TMA16: variants seen among roughly 807,000 people sequenced by gnomAD.
TMA16 encodes translation machinery associated 16 homolog, also known as translation machinery-associated protein 16.
TMA16 carries 26 observed loss-of-function variants against 27.1 expected under a neutral mutation model. The observed-to-expected ratio is 0.96, with a 90% CI of 0.70 to 1.33. TMA16 has a LOEUF of 1.33. TMA16 is among the 40% of genes most tolerant of loss of function. The probability of loss-of-function intolerance (pLI) is 0.00; values close to 1 mark genes in which losing one functional copy is unlikely to be tolerated. For missense variants in TMA16, 233 were observed against 241.4 expected (o/e 0.97, Z 0.23); for synonymous variants, 71 against 81.9 (o/e 0.87, Z 0.72).
At chr4:163,514,951 G>A (rs12500221) in intron 4 of TMA16, among the ~76,000 whole-genome samples, 98,197 of 151,468 alleles carry the variant, frequency 0.65, 32,478 homozygotes, top group African/African-American at 0.76. Flanking sequence ...CTGGACAACT[G>A]TTTCCTGAGA....
intron 2 of TMA16, among the ~76,000 whole-genome samples, chr4:163,512,092 C>T (rs1737807946): frequency 6.6e-6 from 1 of 151,948 alleles, no homozygotes; most frequent in Admixed American, 6.6e-5. Context: ...GAAAACCTTC[C>T]CAAATCCTAA....
In TMA16 at chr4:163,513,410, C is replaced by T. The variant is rs530858691; in HGVS notation, c.154+551C>T. 2.0e-5 allele frequency among the ~76,000 whole-genome samples: 3 copies of T among 152,236 alleles called. No homozygotes were observed. The South Asian group carries it at 6.2e-4, about 32-fold the overall frequency. ...AGAATAGTATTTTTAAATGGGATCT[C>T]ATTGTACAGGGCCGGGTGATTTTTT... On this transcript the variant is annotated intron_variant, in intron 3 of 6. Transcript: ENST00000358572.
intron 2 of TMA16, among the ~76,000 whole-genome samples, chr4:163,510,930 G>A (rs182006969): frequency 2.0e-5 from 3 of 152,266 alleles, no homozygotes; most frequent in Admixed American, 6.5e-5. Context: ...AAACATTCAT[G>A]TACAGGTGTT....
intron 1 of TMA16, among the ~76,000 whole-genome samples, chr4:163,501,148 A>G (rs931501322): frequency 6.6e-6 from 1 of 152,100 alleles, no homozygotes; most frequent in African/African-American, 2.4e-5. Flanking sequence ...GCTTACTGTT[A>G]TCTCTGGAAA....
chr4:163,507,943 G>C (rs1332215834), intron 2 of TMA16, among the ~76,000 whole-genome samples: 1 of 151,722 alleles, frequency 6.6e-6, no homozygotes, highest in Non-Finnish European at 1.5e-5. Flanking sequence ...CTTTGCTTAA[G>C]ATAAGCTTTA....
chr4:163,516,727 G>A (rs1481112640), intron 5 of TMA16, among the ~76,000 whole-genome samples: 1 of 151,782 alleles, frequency 6.6e-6, no homozygotes, highest in African/African-American at 2.4e-5. Context: ...AAGTTTTATT[G>A]AACTTCTTTA....
rs1737900846 is a variant in TMA16 at position 163,517,571 on chromosome 4, GA to G, written c.431+99del. 1.2e-5 allele frequency: 14 copies of G among 1,183,154 alleles called. No individual in the cohort carries two copies. In the East Asian group the frequency reaches 3.5e-4, roughly 30 times the overall value. The allele number at this position is 1,183,154 out of a possible 1,614,324, so 73.3% of individuals were successfully genotyped here. A position where few individuals can be genotyped will look rare whatever the true frequency, so the allele number is the denominator to read the frequency against. On this transcript the variant is annotated intron_variant, in intron 6 of 6. Coordinates refer to ENST00000358572, the MANE Select transcript of TMA16 (RefSeq NM_018352.3). Reference sequence around the variant, plus strand: ...TTGAGTCTAGCCGGTAGAACTAAAAGAAAATCGGGTTTCTTTTAACCTTTTC... The same window carrying G: ...TTGAGTCTAGCCGGTAGAACTAAAAGAAATCGGGTTTCTTTTAACCTTTTC...
intron 1 of TMA16, among the ~76,000 whole-genome samples, chr4:163,496,818 G>A (rs984863730): frequency 1.7e-4 from 21 of 123,766 alleles, no homozygotes; most frequent in African/African-American, 5.6e-4. Context: ...GGCTGGTCTC[G>A]AACCCCTGAC....
intron 4 of TMA16, among the ~76,000 whole-genome samples, chr4:163,514,414 G>A (rs912339020): frequency 1.3e-5 from 2 of 152,162 alleles, no homozygotes; most frequent in African/African-American, 4.8e-5. Flanking sequence ...AAAGGTGGGG[G>A]TTAGCAGATC....
At chr4:163,496,243 C>T (rs116433857) in intron 1 of TMA16, among the ~76,000 whole-genome samples, 1,660 of 152,282 alleles carry the variant, frequency 0.011, 26 homozygotes, top group African/African-American at 0.036. Context: ...CCTGAGTTGC[C>T]ATCTTGGCAA....
intron 2 of TMA16, among the ~76,000 whole-genome samples, chr4:163,508,953 T>C (rs1737753972): frequency 6.6e-6 from 1 of 152,242 alleles, no homozygotes; most frequent in Admixed American, 6.5e-5. Context: ...CCAAGACTTT[T>C]ATTTTAGTAA....
intron 2 of TMA16, among the ~76,000 whole-genome samples, chr4:163,510,220 T>A (rs1165214262): frequency 1.3e-5 from 2 of 152,196 alleles, no homozygotes; most frequent in Non-Finnish European, 2.9e-5. Context: ...CTTTGTTTTT[T>A]AAGATCAACT....
intron 6 of TMA16, 109 bp from the exon 7 acceptor site, chr4:163,519,225 G>A: frequency 2.0e-6 from 2 of 1,010,466 alleles, no homozygotes; most frequent in Non-Finnish European, 2.8e-6. Context: ...CGCTTTTGAA[G>A]TTTTGAATAT....
intron 1 of TMA16, among the ~76,000 whole-genome samples, chr4:163,503,866 G>A (rs1737682964): frequency 6.6e-6 from 1 of 152,044 alleles, no homozygotes; most frequent in Admixed American, 6.6e-5. Flanking sequence ...ACATATTTCT[G>A]TGTCTCACTG....
rs10608478 is a variant in TMA16, at chr4:163,498,286, ATT to A, written c.3+3500_3+3501del. ...ATTAATAGAATTTCTTGGTTAAAAG[ATT>A]TTTTTTTTTTTTTTTTTGAGACAGA... On this transcript the variant is annotated intron_variant, in intron 1 of 6. Coordinates refer to ENST00000358572, the MANE Select transcript of TMA16 (RefSeq NM_018352.3). Among the ~76,000 whole-genome samples, 283 of 125,650 alleles carry A rather than the reference ATT, an allele frequency of 2.3e-3. 1 individual carries two copies. Among genetic ancestry groups the A allele is most frequent in the Middle Eastern group, 7.8e-3 (2 of 256 alleles). 82.4% of individuals were successfully genotyped at this position (125,650 alleles called of 152,430 possible).
At chr4:163,504,255 CTT>C (rs1197571042) in intron 1 of TMA16, among the ~76,000 whole-genome samples, 1 of 152,176 alleles carries the variant, frequency 6.6e-6, no homozygotes, top group Non-Finnish European at 1.5e-5. Context: ...GATCAGATCT[CTT>C]TTCACAGGAT....
At chr4:163,506,704 G>T (rs1737722531) in intron 1 of TMA16, among the ~76,000 whole-genome samples, 1 of 152,008 alleles carries the variant, frequency 6.6e-6, no homozygotes, top group Non-Finnish European at 1.5e-5. Flanking sequence ...CAAATTTCTG[G>T]CTGTGAGTCT....
Position 163,515,352 on chromosome 4 carries a change from G to A in TMA16, c.279G>A (p.Glu93=), listed in dbSNP as rs1480858337. 7 of 1,613,160 alleles carry A rather than the reference G, an allele frequency of 4.3e-6. No homozygotes were observed. In the South Asian group the frequency reaches 5.5e-5, roughly 13 times the overall value. The change falls in exon 5 of 7, where the codon GAG becomes GAA. Residue 93 remains glutamate (E), a synonymous_variant. Coordinates refer to ENST00000358572, the MANE Select transcript of TMA16 (RefSeq NM_018352.3). ...NRFSSELEQI[E]LHNSIRDRQG... Reference sequence around the variant, plus strand: ...TCAGCAGTGAGCTGGAGCAGATTGAGTTACATAACAGTATCAGGGACAGGC... The same window carrying A: ...TCAGCAGTGAGCTGGAGCAGATTGAATTACATAACAGTATCAGGGACAGGC...
At chr4:163,498,710 C>T (rs979423889) in intron 1 of TMA16, among the ~76,000 whole-genome samples, 5 of 152,120 alleles carry the variant, frequency 3.3e-5, no homozygotes, top group South Asian at 2.1e-4. Context: ...TGTCACCTAG[C>T]GTGGCATGTA....
Sources: gnomAD v4.1 joint callset for allele counts (sites outside exome capture counted in the v4.1 genomes callset) on GRCh38, gnomAD v4.1.1 for gene constraint, MANE v1.5 for transcripts, NCBI Gene and HGNC (gene_info 2026-07-23, HGNC 2026-07-21) for gene names.